The following MED13L variants were observed in gnomAD, a reference collection of about 807,000 sequenced individuals.
MED13L encodes the protein mediator of RNA polymerase II transcription subunit 13-like.
In MED13L, 7 loss-of-function variants were observed where a neutral mutation model predicts 220.9. The ratio of observed to expected loss-of-function variants is 0.03; its 90% CI spans 0.02 to 0.06. The LOEUF (loss-of-function observed/expected upper bound fraction) is 0.06. MED13L is among the 10% of genes least tolerant of loss of function. The probability of loss-of-function intolerance (pLI) is 1.00; values close to 1 mark genes in which losing one functional copy is unlikely to be tolerated. For synonymous variants in MED13L, 1,011 were observed against 1,015.2 expected, an observed-to-expected ratio of 1.00 and a Z score of 0.08; for missense variants, 1,965 against 2,760.5, an observed-to-expected ratio of 0.71 and a Z score of 6.46.
intron 1 of MED13L, among the ~76,000 whole-genome samples, chr12:116,250,776 CAAAAAAAA>C (rs772459455): frequency 7.8e-5 from 6 of 76,784 alleles, no homozygotes; most frequent in Admixed American, 6.3e-4. Flanking sequence ...GACTCCTCCT[CAAAAAAAA>C]AAAAAAAAAA....
At chr12:116,203,316 GTAA>G (rs1456437052) in intron 2 of MED13L, among the ~76,000 whole-genome samples, 1 of 151,988 alleles carries the variant, frequency 6.6e-6, no homozygotes, top group Non-Finnish European at 1.5e-5. Flanking sequence ...TTCTGTACAT[GTAA>G]TATCATCACT....
At chr12:116,153,691 C>T (rs1417416424) in intron 2 of MED13L, among the ~76,000 whole-genome samples, 1 of 152,158 alleles carries the variant, frequency 6.6e-6, no homozygotes, top group African/African-American at 2.4e-5. Context: ...CAAATATATA[C>T]ACACTTGCTT....
At chr12:116,248,989 A>T (rs1436575875) in intron 1 of MED13L, among the ~76,000 whole-genome samples, 3 of 152,256 alleles carry the variant, frequency 2.0e-5, no homozygotes, top group Non-Finnish European at 4.4e-5. Context: ...AGACAGCTGG[A>T]ATTTGTGGAG....
intron 2 of MED13L, among the ~76,000 whole-genome samples, chr12:116,176,736 A>G (rs971128273): frequency 6.6e-6 from 1 of 152,138 alleles, no homozygotes; most frequent in Non-Finnish European, 1.5e-5. Context: ...AAGAGAAAGA[A>G]GCCAGTGGGC....
intron 1 of MED13L, among the ~76,000 whole-genome samples, chr12:116,257,660 A>AT (rs1411859754): frequency 6.6e-6 from 1 of 152,216 alleles, no homozygotes; most frequent in East Asian, 1.9e-4. Flanking sequence ...CTATTTGTCT[A>AT]TTTTTAAATA....
chr12:116,134,174 T>C (rs1876320654), intron 2 of MED13L, among the ~76,000 whole-genome samples: 1 of 152,202 alleles, frequency 6.6e-6, no homozygotes, highest in African/African-American at 2.4e-5. Context: ...CAGAGTAGAT[T>C]CATAACTCAT....
intron 4 of MED13L, among the ~76,000 whole-genome samples, chr12:116,095,126 G>C (rs1285364516): frequency 6.6e-6 from 1 of 152,052 alleles, no homozygotes; most frequent in African/African-American, 2.4e-5. Context: ...CACGCCACTG[G>C]CACTCCTGCC....
At chr12:116,100,493 G>A (rs932278206) in intron 3 of MED13L, among the ~76,000 whole-genome samples, 7 of 151,310 alleles carry the variant, frequency 4.6e-5, no homozygotes, top group Non-Finnish European at 7.4e-5. Context: ...CCACCTACTC[G>A]GGAGGCTGGA....
intron 2 of MED13L, among the ~76,000 whole-genome samples, chr12:116,122,750 C>A (rs1875206371): frequency 6.6e-6 from 1 of 152,124 alleles, no homozygotes; most frequent in Admixed American, 6.6e-5. Flanking sequence ...CTGCCAGTTG[C>A]AGGATAACCA....
chr12:116,050,760 A>G (rs1868425927), intron 4 of MED13L, among the ~76,000 whole-genome samples: 1 of 152,156 alleles, frequency 6.6e-6, no homozygotes, highest in South Asian at 2.1e-4. Flanking sequence ...AACATGGTGA[A>G]ACCCCGTCTC....
At chr12:116,118,732 T>C (rs1874740660) in intron 2 of MED13L, among the ~76,000 whole-genome samples, 1 of 152,182 alleles carries the variant, frequency 6.6e-6, no homozygotes, top group African/African-American at 2.4e-5. Flanking sequence ...TGGAATCTAA[T>C]AACAGATAAT....
At chr12:116,099,213 ATTTAATAATTAGCATATACCAAC>A (rs1872859877) in intron 3 of MED13L, among the ~76,000 whole-genome samples, 1 of 152,214 alleles carries the variant, frequency 6.6e-6, no homozygotes, top group Non-Finnish European at 1.5e-5. Flanking sequence ...GAGCCAGGAC[ATTTAATAATTAGCATATACCAAC>A]TCTCATGCTG....
intron 14 of MED13L, among the ~76,000 whole-genome samples, chr12:116,002,138 C>G (rs551281733): frequency 2.0e-5 from 3 of 152,160 alleles, no homozygotes; most frequent in Non-Finnish European, 4.4e-5. Flanking sequence ...ACTACAGCAA[C>G]GGGCTGGCTA....
At chr12:116,270,684 C>T (rs908061438) in intron 1 of MED13L, among the ~76,000 whole-genome samples, 8 of 151,876 alleles carry the variant, frequency 5.3e-5, no homozygotes, top group East Asian at 1.9e-4. Context: ...AGTGAATTCC[C>T]CCAACAGAAC....
intron 11 of MED13L, chr12:116,006,985 C>T: frequency 4.6e-6 from 1 of 219,388 alleles, no homozygotes; most frequent in South Asian, 7.8e-5. Flanking sequence ...GATATTAACC[C>T]AGAGAATATA....
intron 2 of MED13L, among the ~76,000 whole-genome samples, chr12:116,139,645 G>A (rs891548765): frequency 2.0e-5 from 3 of 151,854 alleles, no homozygotes; most frequent in African/African-American, 4.8e-5. Context: ...CTCTTTTGTC[G>A]CACATAGTAC....
At position 116,019,817 on chromosome 12, in the gene MED13L, A is replaced by C. The variant is rs752111001; in HGVS notation, c.781T>G (p.Tyr261Asp). 2 of 1,614,026 alleles carry C rather than the reference A, an allele frequency of 1.2e-6. No homozygotes were observed. The highest frequency in any genetic ancestry group is 1.7e-6 in the Non-Finnish European group (2 of 1,179,946). Residue 261 changes from tyrosine to aspartate, a missense_variant, in exon 6 of 31, where the codon TAT becomes GAT. Tyr to Asp is a radical substitution (Grantham distance 160, BLOSUM62 -3). Around this residue, in one of 10 missense-constraint regions of MED13L, gnomAD observed 818 missense variants for 1,041.2 expected, o/e 0.79. Coordinates refer to ENST00000281928, the MANE Select transcript of MED13L (RefSeq NM_015335.5). ...EESKEEDELG[Y>D]DDDFPVAVEV... The stretch of plus-strand genomic sequence containing the variant: ...ACTGCCACAGGGAAATCATCATCAT[A>C]TCCCAACTCGTCTTCCTCTTTCGAT...
chr12:116,067,822 T>C (rs750587860), intron 4 of MED13L, among the ~76,000 whole-genome samples: 1 of 152,160 alleles, frequency 6.6e-6, no homozygotes, highest in African/African-American at 2.4e-5. Flanking sequence ...AAGGATGAAC[T>C]GTGAGTAAGC....
intron 1 of MED13L, among the ~76,000 whole-genome samples, chr12:116,272,850 G>A (rs985381549): frequency 2.0e-5 from 3 of 152,052 alleles, no homozygotes; most frequent in African/African-American, 4.8e-5. Context: ...TGTCTATTAT[G>A]TACTTAAAAA....
Sources: allele counts gnomAD v4.1 joint callset (sites outside exome capture counted in the v4.1 genomes callset), GRCh38; gene constraint gnomAD v4.1.1; regional missense constraint gnomAD v4.1.1; transcripts MANE v1.5; gene names NCBI Gene and HGNC (gene_info 2026-07-23, HGNC 2026-07-21).